ANK3: variants seen among roughly 807,000 people sequenced by gnomAD.
ANK3 encodes ankyrin-3.
A neutral mutation model predicts 370.9 loss-of-function variants in ANK3; 57 were observed. The observed-to-expected ratio is 0.15, with a 90% CI of 0.12 to 0.19. ANK3 has a LOEUF of 0.19. Among genes scored for constraint, ANK3 ranks in the 10% least tolerant of loss-of-function variants. ANK3 has a pLI of 1.00. For synonymous variants in ANK3, 1,929 were observed against 1,946.3 expected, an observed-to-expected ratio of 0.99 and a Z score of 0.23; for missense variants, 4,439 against 5,302.1, an observed-to-expected ratio of 0.84 and a Z score of 5.06.
Position 60,481,847 on chromosome 10 carries a change from C to A in ANK3, c.96+133339G>T, listed in dbSNP as rs16915042. 2.1e-3 allele frequency among the ~76,000 whole-genome samples: 321 copies of A among 152,304 alleles called. 5 individuals carry two copies. In the East Asian group the frequency reaches 0.053, roughly 25 times the overall value. The stretch of plus-strand genomic sequence containing the variant: ...TTTCATTTGCATCCTAGCACAGACA[C>A]CTAAACATTCATATTGTCTTTATCC... On this transcript the variant is annotated intron_variant, in intron 2 of 43. Coordinates refer to the ANK3 transcript ENST00000373827.
chr10:60,225,995 T>C (rs191247866), intron 8 of ANK3, among the ~76,000 whole-genome samples: 4 of 146,716 alleles, frequency 2.7e-5, no homozygotes, highest in Admixed American at 2.1e-4. Flanking sequence ...CAAATTGTAA[T>C]TCCTATAATG....
chr10:60,066,799 C>T (rs1650240340), intron 38 of ANK3, among the ~76,000 whole-genome samples: 1 of 152,174 alleles, frequency 6.6e-6, no homozygotes, highest in East Asian at 1.9e-4. Context: ...TACACTTAAC[C>T]TATAAAACTT....
At chr10:60,197,278 A>T (rs1020222791) in intron 14 of ANK3, among the ~76,000 whole-genome samples, 2 of 152,210 alleles carry the variant, frequency 1.3e-5, no homozygotes, top group African/African-American at 4.8e-5. Flanking sequence ...ACACATGGAC[A>T]AATATGCAAC....
chr10:60,534,182 A>C (rs1050429284), intron 2 of ANK3, among the ~76,000 whole-genome samples: 1 of 152,170 alleles, frequency 6.6e-6, no homozygotes, highest in African/African-American at 2.4e-5. Context: ...TGGTTCCCCA[A>C]ATTCACGGAT....
intron 2 of ANK3, among the ~76,000 whole-genome samples, chr10:60,604,747 T>C (rs2078107711): frequency 6.6e-6 from 1 of 152,204 alleles, no homozygotes; most frequent in Non-Finnish European, 1.5e-5. Flanking sequence ...AATGCCCATC[T>C]ATAACATTTT....
chr10:60,635,054 A>G (rs1274329611), intron 1 of ANK3, among the ~76,000 whole-genome samples: 1 of 152,196 alleles, frequency 6.6e-6, no homozygotes, highest in African/African-American at 2.4e-5. Context: ...TCTGGACACA[A>G]TATGATTTAC....
At chr10:60,083,270 A>G (rs779091639) in intron 33 of ANK3, among the ~76,000 whole-genome samples, 1 of 152,248 alleles carries the variant, frequency 6.6e-6, no homozygotes, top group Non-Finnish European at 1.5e-5. Context: ...GCTTAAACAT[A>G]AATGTTATTA....
At chr10:60,485,791 G>A (rs115600845) in intron 2 of ANK3, among the ~76,000 whole-genome samples, 3,618 of 152,234 alleles carry the variant, frequency 0.024, 149 homozygotes, top group African/African-American at 0.083. Flanking sequence ...AGGATGGCTT[G>A]GAAAATGTCA....
chr10:60,191,059 A>T, intron 16 of ANK3, among the ~76,000 whole-genome samples: 1 of 152,108 alleles, frequency 6.6e-6, no homozygotes, highest in East Asian at 1.9e-4. Flanking sequence ...TGGACCCATA[A>T]CTCTCACCAT....
At chr10:60,569,676 A>G (rs2077545906) in intron 2 of ANK3, among the ~76,000 whole-genome samples, 4 of 152,208 alleles carry the variant, frequency 2.6e-5, no homozygotes, top group Admixed American at 2.6e-4. Flanking sequence ...TGATGACTCC[A>G]TATTAAATGT....
At chr10:60,172,240 A>G in intron 21 of ANK3, 68 bp downstream of exon 21, 2 of 1,269,220 alleles carry the variant, frequency 1.6e-6, no homozygotes, top group Non-Finnish European at 1.1e-6. Context: ...TATTCATCTC[A>G]GAAAAACCCA....
chr10:60,091,675 G>C (rs1436874015), intron 28 of ANK3, among the ~76,000 whole-genome samples: 1 of 152,040 alleles, frequency 6.6e-6, no homozygotes, highest in Non-Finnish European at 1.5e-5. Context: ...ACCTGAGCAA[G>C]ATGCACAGCA....
chr10:60,411,272 T>C (rs2063554882), intron 2 of ANK3, among the ~76,000 whole-genome samples: 1 of 152,212 alleles, frequency 6.6e-6, no homozygotes, highest in South Asian at 2.1e-4. Context: ...ATGTTCGGGG[T>C]TCAGAGGTAA....
At chr10:60,263,628 G>A (rs776965395) in intron 6 of ANK3, among the ~76,000 whole-genome samples, 2 of 152,152 alleles carry the variant, frequency 1.3e-5, no homozygotes, top group Non-Finnish European at 2.9e-5. Flanking sequence ...CTTTTAGCAC[G>A]CATAGGGCCG....
chr10:60,045,636 T>C (rs887765203), intron 42 of ANK3, among the ~76,000 whole-genome samples: 6 of 152,234 alleles, frequency 3.9e-5, no homozygotes, highest in Non-Finnish European at 7.3e-5. Context: ...ATAATGCTGC[T>C]TGGCAGTGTA....
intron 43 of ANK3, among the ~76,000 whole-genome samples, chr10:60,035,351 C>T (rs1159566136): frequency 4.6e-5 from 7 of 151,926 alleles, no homozygotes; most frequent in Non-Finnish European, 1.0e-4. Context: ...TAGGTTCAAG[C>T]GATTCTCCTG....
At chr10:60,044,776 T>C (rs796400934) in intron 42 of ANK3, 86 of 152,322 alleles carry the variant, frequency 5.6e-4, no homozygotes, top group African/African-American at 2.0e-3. Flanking sequence ...TGAACTAAGA[T>C]AGTACCTTAG....
chr10:60,167,327 TCTC>T (rs1359665371), intron 21 of ANK3, among the ~76,000 whole-genome samples: 1 of 152,136 alleles, frequency 6.6e-6, no homozygotes, highest in African/African-American at 2.4e-5. Flanking sequence ...TATTTTGTGT[TCTC>T]CTCTTATATG....
intron 1 of ANK3, among the ~76,000 whole-genome samples, chr10:60,694,269 C>G (rs2079406945): frequency 1.3e-5 from 2 of 152,186 alleles, no homozygotes; most frequent in African/African-American, 2.4e-5. Context: ...AAATCTACAT[C>G]TGATTGGTGT....
Sources: allele counts gnomAD v4.1 joint callset (sites outside exome capture counted in the v4.1 genomes callset), GRCh38; gene constraint gnomAD v4.1.1; transcripts MANE v1.5; gene names NCBI Gene and HGNC (gene_info 2026-07-23, HGNC 2026-07-21).